Variants in PLCZ1 observed in about 807,000 individuals in gnomAD.
PLCZ1 encodes 1-phosphatidylinositol 4,5-bisphosphate phosphodiesterase zeta-1.
In PLCZ1, 64 loss-of-function variants were observed where a neutral mutation model predicts 76.8. That is an observed-to-expected ratio of 0.83 (90% CI 0.68 to 1.03). The LOEUF (loss-of-function observed/expected upper bound fraction) is 1.03, where lower values mean the gene tolerates loss of function less well. PLCZ1 is among the 50% of genes least tolerant of loss of function. The pLI, the probability that PLCZ1 is intolerant of heterozygous loss-of-function variation, is 0.00. For synonymous variants in PLCZ1, 248 were observed against 230.8 expected (o/e 1.07, Z -0.68); for missense variants, 751 against 713.7 (o/e 1.05, Z -0.60).
chr12:18,703,015 A>G (rs572618297), intron 7 of PLCZ1, among the ~76,000 whole-genome samples: 28 of 152,050 alleles, frequency 1.8e-4, no homozygotes, highest in Non-Finnish European at 4.0e-4. Context: ...CTGCTTTAAT[A>G]TGGAGCTAAA....
chr12:18,698,765 C>A (rs1011111469), intron 10 of PLCZ1, among the ~76,000 whole-genome samples: 57 of 152,082 alleles, frequency 3.7e-4, no homozygotes, highest in Admixed American at 2.8e-3. Flanking sequence ...AGCATTTATC[C>A]TTTGTGTAAC....
chr12:18,682,226 G>A (rs1202972799), downstream of PLCZ1, among the ~76,000 whole-genome samples: 2 of 152,024 alleles, frequency 1.3e-5, no homozygotes, highest in African/African-American at 4.8e-5. Flanking sequence ...ATTTAGTACT[G>A]AGAGTAAACC....
intron 7 of PLCZ1, among the ~76,000 whole-genome samples, chr12:18,703,472 G>T (rs1255117017): frequency 1.3e-5 from 2 of 152,282 alleles, no homozygotes; most frequent in South Asian, 2.1e-4. Flanking sequence ...CTTCGATGGT[G>T]CATGACCATT....
chr12:18,719,364 GAGGT>G, intron 5 of PLCZ1, 63 bp downstream of exon 5: 1 of 913,884 alleles, frequency 1.1e-6, no homozygotes, highest in South Asian at 2.7e-5. Flanking sequence ...CTTGCCTACT[GAGGT>G]AGACACTGCC....
At chr12:18,726,665 T>C (rs11044268) in intron 3 of PLCZ1, among the ~76,000 whole-genome samples, 11,121 of 152,214 alleles carry the variant, frequency 0.073, 504 homozygotes, top group Middle Eastern at 0.12. Flanking sequence ...CAATGCTCAG[T>C]TTGCTAGTAA....
the PLCZ1 span, among the ~76,000 whole-genome samples, chr12:18,662,654 T>G: frequency 0.017 from 2,650 of 152,204 alleles, 41 homozygotes; most frequent in Middle Eastern, 0.054. Context: ...TAATTATTGG[T>G]TCATATATCT....
rs1437898315 is a variant in PLCZ1 at position 18,701,297 on chromosome 12, T to G, written c.1017+204A>C. Among the ~76,000 whole-genome samples, 3 of 152,038 alleles carry G rather than the reference T, an allele frequency of 2.0e-5. No homozygotes were observed. The East Asian group carries it at 5.8e-4, about 29-fold the overall frequency. The stretch of plus-strand genomic sequence containing the variant: ...ACCGTGCTCAGCCTAGAGAAAAAAA[T>G]GTTTAAGCAGCTAACATAAGAAAAG... On this transcript the variant is annotated intron_variant, in intron 9 of 14. Transcript: ENST00000266505.
In PLCZ1 at chr12:18,719,572, C is replaced by T; in HGVS notation, c.428G>A (p.Cys143Tyr). 2 of 1,605,572 alleles carry T rather than the reference C, an allele frequency of 1.2e-6. No individual in the cohort carries two copies. Among genetic ancestry groups the T allele is most frequent in the Non-Finnish European group, 1.7e-6 (2 of 1,175,322 alleles). The change falls in exon 5 of 15, where the codon TGT (cysteine) becomes TAT (tyrosine). Residue 143 changes from cysteine to tyrosine, a missense_variant. Physicochemically the swap from Cys to Tyr is radical, Grantham distance 194. Transcript: ENST00000266505. Reference sequence around the variant, plus strand: ...TCTACATTCATTTTTAAACAGTAGACATTCACGTGAATCCATGTATCTTGT... The same window carrying T: ...TCTACATTCATTTTTAAACAGTAGATATTCACGTGAATCCATGTATCTTGT... ...GFTRYMDSRE[C>Y]LLFKNECRKV... is the part of the protein sequence containing the mutation.
chr12:18,698,579 G>T (rs1262391067), intron 10 of PLCZ1, among the ~76,000 whole-genome samples: 2 of 152,056 alleles, frequency 1.3e-5, no homozygotes, highest in Admixed American at 1.3e-4. Flanking sequence ...CAAGTCAATT[G>T]CAGGTGCTGA....
In PLCZ1 at chr12:18,705,315, T is replaced by A; in HGVS notation, c.715A>T (p.Thr239Ser). 6.2e-7 allele frequency: 1 copy of A among 1,614,064 alleles called. No homozygotes were observed. Among genetic ancestry groups the A allele is most frequent in the Non-Finnish European group, 8.5e-7 (1 of 1,179,978 alleles). The change falls in exon 7 of 15, where the codon ACA becomes TCA. Residue 239 changes from threonine to serine, a missense_variant and splice_region_variant. By Grantham distance (58) the Thr-to-Ser change is moderately conservative. Coordinates refer to ENST00000266505, the MANE Select transcript of PLCZ1 (RefSeq NM_033123.4). The stretch of plus-strand genomic sequence containing the variant: ...GAGAGCACCACTGGGTAGTCAGATG[T>A]CTAAAAAAGTAACCATTACTATGGT... ...IQAIHKYAFM[T>S]SDYPVVLSLE...
chr12:18,736,076 T>A, intron 3 of PLCZ1, 145 bp downstream of exon 3: 2 of 887,802 alleles, frequency 2.3e-6, no homozygotes, highest in Non-Finnish European at 3.3e-6. Context: ...TACCTTCTAC[T>A]GAAATGCTCT....
the PLCZ1 span, among the ~76,000 whole-genome samples, chr12:18,647,078 G>C: frequency 1.3e-5 from 2 of 148,208 alleles, no homozygotes; most frequent in Admixed American, 1.3e-4. Flanking sequence ...TTCCTTTTTG[G>C]TATTTTTTTT....
Position 18,705,174 on chromosome 12 carries a change from A to T in PLCZ1, c.856T>A (p.Ser286Thr). The change falls in exon 7 of 15, where the codon TCA becomes ACA. Residue 286 changes from serine to threonine, a missense_variant. Ser to Thr is a moderately conservative substitution (Grantham distance 58, BLOSUM62 1). Transcript: ENST00000266505. ...TCAGAAAAAAATGTTACCTCTGGTGATGGTAGAGTATCAGGAAAATCATCA... is the reference window on the plus strand; with the variant it reads ...TCAGAAAAAAATGTTACCTCTGGTGTTGGTAGAGTATCAGGAAAATCATCA... Reference protein sequence around the residue: ...MLDDFPDTLPSPEALKFKILV... With the variant: ...MLDDFPDTLPTPEALKFKILV... 1 of 1,613,978 alleles carries T rather than the reference A, an allele frequency of 6.2e-7. No homozygotes were observed.
the PLCZ1 span, among the ~76,000 whole-genome samples, chr12:18,659,891 G>A: frequency 0.013 from 1,995 of 152,160 alleles, 52 homozygotes; most frequent in African/African-American, 0.046. Flanking sequence ...TATAAGAAAT[G>A]CTAAAGGGAG....
Position 18,737,510 on chromosome 12 carries a change from C to G in PLCZ1, c.-138-1G>C. On this transcript the variant is annotated splice_acceptor_variant, in intron 1 of 14. Transcript: ENST00000266505. LOFTEE classifies it low-confidence loss of function (5UTR_SPLICE). ...ATACTCATCAGCTGTTACCACTTTT[C>G]TAGGGAGAAAGCAGAGAACACACAG... 2.5e-6 allele frequency: 3 copies of G among 1,200,956 alleles called. No homozygotes were observed. The highest frequency in any genetic ancestry group is 3.6e-6 in the Non-Finnish European group (3 of 824,542). The allele number at this position is 1,200,956 out of a possible 1,614,324, so 74.4% of individuals were successfully genotyped here.
chr12:18,655,906 A>G, the PLCZ1 span, among the ~76,000 whole-genome samples: 1 of 152,190 alleles, frequency 6.6e-6, no homozygotes, highest in African/African-American at 2.4e-5. Context: ...TGACTACTCT[A>G]TGTAATGTGG....
chr12:18,726,992 C>T (rs1958789040), intron 3 of PLCZ1, among the ~76,000 whole-genome samples: 1 of 151,976 alleles, frequency 6.6e-6, no homozygotes, highest in African/African-American at 2.4e-5. Context: ...TTGTCAGTGC[C>T]CTCTGGAAGC....
At chr12:18,684,101 T>TA (rs1181929912) in intron 14 of PLCZ1, 29 bp downstream of exon 14, 1 of 1,607,630 alleles carries the variant, frequency 6.2e-7, no homozygotes, top group Non-Finnish European at 8.5e-7. Context: ...TAAATGCTGG[T>TA]ACAATCATCT....
intron 12 of PLCZ1, chr12:18,693,261 G>T (rs1292504366): frequency 6.5e-7 from 1 of 1,532,954 alleles, no homozygotes; most frequent in East Asian, 2.2e-5. Flanking sequence ...CATGATAGGG[G>T]TGCTGATGGA....
Sources: allele counts gnomAD v4.1 joint callset (sites outside exome capture counted in the v4.1 genomes callset), GRCh38; gene constraint gnomAD v4.1.1; transcripts MANE v1.5; gene names NCBI Gene and HGNC (gene_info 2026-07-23, HGNC 2026-07-21).